The following ZSCAN5A variants were observed in gnomAD, a reference collection of about 807,000 sequenced individuals.
ZSCAN5A encodes the protein zinc finger and SCAN domain-containing protein 5A.
In ZSCAN5A, 12 loss-of-function variants were observed where a neutral mutation model predicts 23.7. The ratio of observed to expected loss-of-function variants is 0.51; its 90% CI spans 0.32 to 0.82. The LOEUF is 0.82. ZSCAN5A is among the 40% of genes least tolerant of loss of function. The probability of loss-of-function intolerance (pLI) is 0.03; values close to 1 mark genes in which losing one functional copy is unlikely to be tolerated. For synonymous variants in ZSCAN5A, 257 were observed against 239.9 expected (o/e 1.07, Z -0.66); for missense variants, 597 against 617.9 (o/e 0.97, Z 0.36).
upstream of ZSCAN5A, chr19:56,315,354 A>T (rs1374904801): frequency 6.6e-6 from 1 of 152,280 alleles, no homozygotes; most frequent in Non-Finnish European, 1.5e-5. Context: ...GCGGTGTCGC[A>T]TGTCGTCTGC....
At chr19:56,349,321 T>A (rs2041652864) in intron 2 of ZSCAN5A, among the ~76,000 whole-genome samples, 1 of 152,004 alleles carries the variant, frequency 6.6e-6, no homozygotes, top group Non-Finnish European at 1.5e-5. Flanking sequence ...TGTGAATACA[T>A]CACGATCAAG....
At chr19:56,239,966 A>T (rs1284256432) in intron 2 of ZSCAN5A, among the ~76,000 whole-genome samples, 1 of 152,120 alleles carries the variant, frequency 6.6e-6, no homozygotes, top group Non-Finnish European at 1.5e-5. Flanking sequence ...GTTCAAGACC[A>T]GCCTGGCCAA....
At chr19:56,257,409 T>C (rs1411366333) in intron 2 of ZSCAN5A, among the ~76,000 whole-genome samples, 1 of 152,136 alleles carries the variant, frequency 6.6e-6, no homozygotes, top group African/African-American at 2.4e-5. Context: ...GTCCCTGGGA[T>C]ATGGACTGCA....
intron 2 of ZSCAN5A, among the ~76,000 whole-genome samples, chr19:56,334,499 T>C (rs764790378): frequency 1.3e-5 from 2 of 152,246 alleles, no homozygotes; most frequent in Non-Finnish European, 2.9e-5. Flanking sequence ...TAGGTGTATA[T>C]GTTTATGGGT....
intron 2 of ZSCAN5A, among the ~76,000 whole-genome samples, chr19:56,262,095 C>T (rs2037165251): frequency 6.6e-6 from 1 of 152,058 alleles, no homozygotes; most frequent in African/African-American, 2.4e-5. Context: ...CTCTCTGCAA[C>T]CTCTGCCTCC....
chr19:56,221,753 T>G lies in ZSCAN5A; in HGVS notation c.1313A>C (p.Lys438Thr). The change falls in exon 6 of 6, where the codon AAG becomes ACG. Residue 438 changes from lysine to threonine, a missense_variant. By Grantham distance (78) the Lys-to-Thr change is moderately conservative. This residue lies in a region of ZSCAN5A where 87 missense variants were observed against 74.4 expected (regional missense o/e 1.17). Coordinates refer to ENST00000683990, the MANE Select transcript of ZSCAN5A (RefSeq NM_001322064.3). Reference protein sequence around the residue: ...KCHKRSHTGEKPFECKDCKKV... With the variant: ...KCHKRSHTGETPFECKDCKKV... ...CTTGCAGTCTTTACATTCGAAGGGC[T>G]TCTCCCCTGTGTGGCTTCTCTTGTG... 1 of 1,614,228 alleles carries G rather than the reference T, an allele frequency of 6.2e-7. No individual in the cohort carries two copies. Among genetic ancestry groups the G allele is most frequent in the East Asian group, 2.2e-5 (1 of 44,888 alleles).
At chr19:56,361,888 T>C (rs1022540421) in intron 2 of ZSCAN5A, among the ~76,000 whole-genome samples, 1 of 151,984 alleles carries the variant, frequency 6.6e-6, no homozygotes, top group Non-Finnish European at 1.5e-5. Flanking sequence ...CAGGGTGCGG[T>C]GGCTCACACC....
chr19:56,268,661 CATT>C (rs1236937561), intron 2 of ZSCAN5A, among the ~76,000 whole-genome samples: 2 of 151,982 alleles, frequency 1.3e-5, no homozygotes, highest in Non-Finnish European at 2.9e-5. Context: ...TAAAATTAAC[CATT>C]TTAAGTGTAC....
At chr19:56,313,004 G>C (rs2041137540) in intron 2 of ZSCAN5A, among the ~76,000 whole-genome samples, 1 of 152,208 alleles carries the variant, frequency 6.6e-6, no homozygotes, top group South Asian at 2.1e-4. Context: ...TTATTTGTAA[G>C]TGCAGAGGTC....
At chr19:56,270,532 T>A (rs529786174) in intron 2 of ZSCAN5A, among the ~76,000 whole-genome samples, 65 of 152,352 alleles carry the variant, frequency 4.3e-4, no homozygotes, top group African/African-American at 1.5e-3. Context: ...ATACGTGTAC[T>A]GGAGCCAGCT....
intron 2 of ZSCAN5A, among the ~76,000 whole-genome samples, chr19:56,255,954 A>G (rs183050010): frequency 6.6e-6 from 1 of 152,354 alleles, no homozygotes; most frequent in Non-Finnish European, 1.5e-5. Context: ...ACATACATGC[A>G]TGTAGTGAAT....
intron 2 of ZSCAN5A, among the ~76,000 whole-genome samples, chr19:56,281,032 G>A (rs920272730): frequency 1.3e-5 from 2 of 152,114 alleles, no homozygotes; most frequent in South Asian, 2.1e-4. Context: ...TTGACCAGAA[G>A]ACTTACTAAT....
At chr19:56,302,559 C>CTTCTTCCT in intron 2 of ZSCAN5A, among the ~76,000 whole-genome samples, 4 of 107,510 alleles carry the variant, frequency 3.7e-5, no homozygotes, top group African/African-American at 1.3e-4. Flanking sequence ...CTCCCTCCCT[C>CTTCTTCCT]CCCCCTTCCT....
intron 2 of ZSCAN5A, among the ~76,000 whole-genome samples, chr19:56,258,530 CAG>C (rs2036891379): frequency 6.8e-6 from 1 of 147,298 alleles, no homozygotes; most frequent in Non-Finnish European, 1.5e-5. Context: ...GGGGGGGTGA[CAG>C]ACACACCTTC....
intron 2 of ZSCAN5A, among the ~76,000 whole-genome samples, chr19:56,357,463 T>C (rs2041706622): frequency 6.8e-6 from 1 of 147,904 alleles, no homozygotes; most frequent in Non-Finnish European, 1.5e-5. Flanking sequence ...CCCCAAACCT[T>C]CACCCATCTT....
intron 2 of ZSCAN5A, chr19:56,284,263 TG>T: frequency 1.2e-6 from 1 of 811,706 alleles, no homozygotes; most frequent in African/African-American, 1.9e-5. Context: ...CGGGAAATTT[TG>T]GGCTTTGCTC....
At position 56,222,022 on chromosome 19, in the gene ZSCAN5A, T is replaced by C. The variant is rs376538628; in HGVS notation, c.1044A>G (p.Gln348=). The part of the protein sequence containing the change: ...PASPVSHPDG[Q]EAKALPPFAC... Reference sequence around the variant, plus strand: ...CAAAGGGCGGCAGTGCCTTGGCTTCTTGGCCATCCGGGTGACTGACTGGGC... The same window carrying C: ...CAAAGGGCGGCAGTGCCTTGGCTTCCTGGCCATCCGGGTGACTGACTGGGC... The change falls in exon 6 of 6, where the codon CAA becomes CAG. Residue 348 remains glutamine, a synonymous_variant. Coordinates refer to ENST00000683990, the MANE Select transcript of ZSCAN5A (RefSeq NM_001322064.3). The C allele has an allele frequency of 2.5e-5, 41 of 1,614,130 alleles. No individual in the cohort carries two copies. The Middle Eastern group carries it at 8.2e-4, about 32-fold the overall frequency.
intron 2 of ZSCAN5A, among the ~76,000 whole-genome samples, chr19:56,353,322 G>C (rs2041679292): frequency 6.6e-6 from 1 of 152,182 alleles, no homozygotes; most frequent in African/African-American, 2.4e-5. Flanking sequence ...GTAATATTTA[G>C]CAAGTGCATG....
chr19:56,308,012 A>C (rs1391660196), intron 2 of ZSCAN5A, among the ~76,000 whole-genome samples: 1 of 151,560 alleles, frequency 6.6e-6, no homozygotes, highest in African/African-American at 2.4e-5. Context: ...TGATCCCCCC[A>C]CCCACATTCC....
Sources: allele counts gnomAD v4.1 joint callset (sites outside exome capture counted in the v4.1 genomes callset), GRCh38; gene constraint gnomAD v4.1.1; regional missense constraint gnomAD v4.1.1; transcripts MANE v1.5; gene names NCBI Gene and HGNC (gene_info 2026-07-23, HGNC 2026-07-21).